The following GTF2I variants were observed in gnomAD, a reference collection of about 807,000 sequenced individuals.
The protein encoded by GTF2I is general transcription factor II-I.
In GTF2I, 12 loss-of-function variants were observed where a neutral mutation model predicts 67.6. The observed-to-expected ratio is 0.18, with a 90% CI of 0.11 to 0.29. GTF2I has a LOEUF of 0.29. Ranked by LOEUF, GTF2I falls within the 10% of genes least tolerant of loss-of-function variation. GTF2I has a pLI of 1.00. For synonymous variants in GTF2I, 149 were observed against 197.0 expected (o/e 0.76, Z 2.04); for missense variants, 271 against 580.1 (o/e 0.47, Z 5.47).
intron 1 of GTF2I, among the ~76,000 whole-genome samples, chr7:74,675,846 C>G (rs1805857057): frequency 6.6e-6 from 1 of 152,000 alleles, no homozygotes; most frequent in Non-Finnish European, 1.5e-5. Flanking sequence ...CCCGTCTCTA[C>G]TAAAAATACA....
intron 21 of GTF2I, 81 bp from the exon 22 acceptor site, chr7:74,745,802 C>T: frequency 1.3e-6 from 2 of 1,487,714 alleles, no homozygotes; most frequent in Non-Finnish European, 1.8e-6. Context: ...AAAAAAAACC[C>T]TGATCACATC....
intron 3 of GTF2I, among the ~76,000 whole-genome samples, chr7:74,698,689 G>A (rs1025108201): frequency 2.0e-5 from 3 of 152,140 alleles, no homozygotes; most frequent in Non-Finnish European, 4.4e-5. Flanking sequence ...TGGAATTACA[G>A]GCGTGAGCCC....
At chr7:74,680,596 G>A (rs926221165) in intron 1 of GTF2I, among the ~76,000 whole-genome samples, 1 of 151,994 alleles carries the variant, frequency 6.6e-6, no homozygotes, top group Admixed American at 6.6e-5. Context: ...CAAAAAATTA[G>A]CCGGGCGTGG....
chr7:74,718,898 T>A lies in GTF2I; in HGVS notation c.900T>A (p.Pro300=). ...VPAEDSTQHV[P]SETSEDPEVE... ...TTCAAGATTCTACTCAACATGTCCC[T>A]TCAGAAACAAGTGAGGACCCTGAAG... is the stretch of plus-strand genomic sequence containing the variant. The change falls in exon 12 of 35, where the codon CCT becomes CCA. Residue 300 remains proline (P), a synonymous_variant. Coordinates refer to ENST00000573035, the MANE Select transcript of GTF2I (RefSeq NM_032999.4). 1 of 1,564,600 alleles carries A rather than the reference T, an allele frequency of 6.4e-7. No individual in the cohort carries two copies. The highest frequency in any genetic ancestry group is 8.7e-7 in the Non-Finnish European group (1 of 1,147,418).
chr7:74,699,292 C>G (rs1789398183), intron 4 of GTF2I, among the ~76,000 whole-genome samples, 197 bp downstream of exon 4: 1 of 150,984 alleles, frequency 6.6e-6, no homozygotes, highest in Admixed American at 6.6e-5. Flanking sequence ...CTGTTTCTTT[C>G]TTTCTGTTTT....
intron 12 of GTF2I, among the ~76,000 whole-genome samples, chr7:74,725,810 A>G (rs1490334140): frequency 6.6e-6 from 1 of 152,004 alleles, no homozygotes; most frequent in Admixed American, 6.6e-5. Context: ...TGTTGTATTA[A>G]AAAAGCACTC....
chr7:74,692,628 T>TTAG (rs1326383084), intron 3 of GTF2I, among the ~76,000 whole-genome samples: 1 of 152,310 alleles, frequency 6.6e-6, no homozygotes, highest in East Asian at 1.9e-4. Context: ...TTCATATCTG[T>TTAG]GTTTAACCTA....
chr7:74,708,233 G>T (rs782472979), intron 8 of GTF2I, among the ~76,000 whole-genome samples: 2 of 152,150 alleles, frequency 1.3e-5, no homozygotes, highest in Non-Finnish European at 2.9e-5. Context: ...AACTCAGGAG[G>T]TAGAGGTTAC....
chr7:74,711,153 G>A (rs782350271), intron 9 of GTF2I, 44 bp downstream of exon 9: 10 of 849,806 alleles, frequency 1.2e-5, no homozygotes, highest in South Asian at 8.7e-5. Flanking sequence ...AATTATTCGT[G>A]GTTAAAATTA....
At chr7:74,683,826 C>T (rs970759275) in intron 1 of GTF2I, among the ~76,000 whole-genome samples, 1 of 151,924 alleles carries the variant, frequency 6.6e-6, no homozygotes, top group African/African-American at 2.4e-5. Context: ...GCACTCCAGC[C>T]GGGGCAACAG....
At chr7:74,692,825 C>T (rs1437675562) in intron 3 of GTF2I, among the ~76,000 whole-genome samples, 2 of 152,042 alleles carry the variant, frequency 1.3e-5, no homozygotes, top group Non-Finnish European at 2.9e-5. Flanking sequence ...TGCAATGGTG[C>T]GATCTCGGCT....
At chr7:74,683,839 C>T (rs1033656062) in intron 1 of GTF2I, among the ~76,000 whole-genome samples, 3 of 151,952 alleles carry the variant, frequency 2.0e-5, no homozygotes, top group African/African-American at 4.8e-5. Flanking sequence ...GGCAACAGAG[C>T]GAGACTCCTT....
intron 9 of GTF2I, among the ~76,000 whole-genome samples, chr7:74,711,359 A>G (rs1791522466): frequency 6.6e-6 from 1 of 152,222 alleles, no homozygotes; most frequent in Admixed American, 6.5e-5. Context: ...TTGTGGCACA[A>G]TTTAGAATTC....
chr7:74,688,508 G>A (rs1584136393), intron 1 of GTF2I, among the ~76,000 whole-genome samples: 1 of 152,226 alleles, frequency 6.6e-6, no homozygotes, highest in East Asian at 1.9e-4. Context: ...CCAGACTGGA[G>A]TGCAGTGCTG....
chr7:74,680,236 G>C (rs1057120574), intron 1 of GTF2I, among the ~76,000 whole-genome samples: 5 of 148,040 alleles, frequency 3.4e-5, no homozygotes, highest in South Asian at 4.2e-4. Context: ...AAGAAATAGG[G>C]CATGAATGTA....
At chr7:74,662,810 A>AT (rs35833637) in intron 1 of GTF2I, among the ~76,000 whole-genome samples, 1 of 151,832 alleles carries the variant, frequency 6.6e-6, no homozygotes, top group Non-Finnish European at 1.5e-5. Context: ...GCGCCCTGTG[A>AT]TTTTTAGGTT....
chr7:74,725,361 T>A (rs1303025418), intron 12 of GTF2I, among the ~76,000 whole-genome samples: 2 of 152,068 alleles, frequency 1.3e-5, no homozygotes, highest in African/African-American at 2.4e-5. Context: ...ACAGGGTTTT[T>A]AAAATAGAAT....
At chr7:74,701,531 C>T (rs1260841229) in intron 6 of GTF2I, among the ~76,000 whole-genome samples, 1 of 151,810 alleles carries the variant, frequency 6.6e-6, no homozygotes, top group Non-Finnish European at 1.5e-5. Context: ...AGTGCAGTGG[C>T]GCGATCTTGG....
Position 74,689,274 on chromosome 7 carries a change from G to A in GTF2I, c.99+47G>A, listed in dbSNP as rs587753276. ...TTCCATAGTTGGGTAGGCCTGCACT[G>A]TAGATAAGGTTGATTTGTTTTTGTG... On this transcript the variant is annotated intron_variant, in intron 2 of 34. Transcript: ENST00000573035. 5.6e-5 allele frequency: 48 copies of A among 858,748 alleles called. No homozygotes were observed. The South Asian group carries it at 6.9e-4, about 12-fold the overall frequency. The allele number at this position is 858,748 out of a possible 1,614,324, so 53.2% of individuals were successfully genotyped here.
Sources: allele counts gnomAD v4.1 joint callset (sites outside exome capture counted in the v4.1 genomes callset), GRCh38; gene constraint gnomAD v4.1.1; transcripts MANE v1.5; gene names NCBI Gene and HGNC (gene_info 2026-07-23, HGNC 2026-07-21).